Variants in MRM1 observed in about 807,000 individuals in gnomAD.
MRM1 encodes rRNA methyltransferase 1, mitochondrial.
MRM1 carries 24 observed loss-of-function variants against 25.0 expected under a neutral mutation model. That is an observed-to-expected ratio of 0.96 (90% confidence interval 0.69 to 1.35). MRM1 has a LOEUF of 1.35. MRM1 is among the 40% of genes most tolerant of loss of function. The pLI is 0.00. For synonymous variants in MRM1, 188 were observed against 199.2 expected (o/e 0.94, Z 0.47); for missense variants, 431 against 464.1 (o/e 0.93, Z 0.65).
the MRM1 span, among the ~76,000 whole-genome samples, chr17:36,623,688 C>T: frequency 2.0e-5 from 3 of 152,190 alleles, no homozygotes; most frequent in African/African-American, 7.2e-5. Context: ...GAACACCTTG[C>T]GCTGCCCCTG....
chr17:36,629,502 T>C, the MRM1 span, among the ~76,000 whole-genome samples: 1 of 152,106 alleles, frequency 6.6e-6, no homozygotes, highest in East Asian at 1.9e-4. Context: ...GGCTGCCTAG[T>C]GGCCAGAGGG....
the MRM1 span, among the ~76,000 whole-genome samples, chr17:36,617,643 G>T: frequency 6.6e-6 from 1 of 152,016 alleles, no homozygotes; most frequent in Non-Finnish European, 1.5e-5. Context: ...TGATCCACCC[G>T]CTTTGGCTTC....
downstream of MRM1, among the ~76,000 whole-genome samples, chr17:36,611,625 A>C (rs987787019): frequency 8.5e-5 from 13 of 152,278 alleles, no homozygotes; most frequent in Non-Finnish European, 1.5e-4. Context: ...TGGTAGACTG[A>C]GTCAAGCAGA....
Position 36,601,835 on chromosome 17 carries a change from G to T in MRM1, c.25G>T (p.Gly9Cys). Residue 9 changes from glycine (G) to cysteine (C), a missense_variant, in exon 1 of 5, where the codon GGC becomes TGC. Coordinates refer to ENST00000614766, the MANE Select transcript of MRM1 (RefSeq NM_024864.5). ...CATGGCATTGCTCTCGACCGTCCGGGGCGCGACCTGGGGTCGCCTCGTCAC... is the reference window on the plus strand; with the variant it reads ...CATGGCATTGCTCTCGACCGTCCGGTGCGCGACCTGGGGTCGCCTCGTCAC... MALLSTVR[G>C]ATWGRLVTRH... The T allele has an allele frequency of 6.3e-7, 1 of 1,580,324 alleles. No individual in the cohort carries two copies.
the MRM1 span, among the ~76,000 whole-genome samples, chr17:36,625,521 A>T: frequency 1.7e-5 from 2 of 120,364 alleles, no homozygotes; most frequent in African/African-American, 3.2e-5. Context: ...GAGTGCAGTG[A>T]CAAGATCTCG....
chr17:36,624,254 C>T, the MRM1 span, among the ~76,000 whole-genome samples: 36 of 152,138 alleles, frequency 2.4e-4, no homozygotes, highest in African/African-American at 5.6e-4. The surrounding 1 kb of genome is among the most constrained non-coding windows in gnomAD (Gnocchi z 4.0). Flanking sequence ...GACCAGCTGA[C>T]GGGGGAGAGG....
At chr17:36,603,313 T>A in intron 2 of MRM1, 1 of 633,968 alleles carries the variant, frequency 1.6e-6, no homozygotes, top group Non-Finnish European at 2.0e-6. Context: ...AGTAGCCACA[T>A]TGAAAAGTAA....
At chr17:36,611,392 TC>T (rs2074976106), downstream of MRM1, among the ~76,000 whole-genome samples, 1 of 152,268 alleles carries the variant, frequency 6.6e-6, no homozygotes, top group Admixed American at 6.5e-5. Context: ...TCTACCCCCT[TC>T]CTTTTCAACA....
chr17:36,603,348 TGTC>T, intron 2 of MRM1: 1 of 275,702 alleles, frequency 3.6e-6, no homozygotes, highest in Non-Finnish European at 5.5e-6. Context: ...AAATAAATTG[TGTC>T]CAGTATATCC....
intron 2 of MRM1, among the ~76,000 whole-genome samples, chr17:36,604,403 C>T (rs974213472): frequency 9.9e-5 from 15 of 152,224 alleles, no homozygotes; most frequent in African/African-American, 3.6e-4. Flanking sequence ...TTCTGCTTCA[C>T]CATGTCCTCT....
In MRM1 at chr17:36,602,741, A is replaced by G; in HGVS notation, c.636+95A>G. 6.9e-7 allele frequency: 1 copy of G among 1,447,760 alleles called. No individual in the cohort carries two copies. Among genetic ancestry groups the G allele is most frequent in the Non-Finnish European group, 9.6e-7 (1 of 1,039,048 alleles). 89.7% of individuals were successfully genotyped at this position (1,447,760 alleles called of 1,614,324 possible). A position where few individuals can be genotyped will look rare whatever the true frequency, so the allele number is the denominator to read the frequency against. ...CCCCTGGCGAGGGAGAGAAAGGGGC[A>G]TGTTGGCACCGCTTCCTTTGGCCTT... is the stretch of plus-strand genomic sequence containing the variant. On this transcript the variant is annotated intron_variant, in intron 2 of 4. Transcript: ENST00000614766. The surrounding 1 kb of genome is among the most constrained non-coding windows in gnomAD (Gnocchi z 4.1).
downstream of MRM1, among the ~76,000 whole-genome samples, chr17:36,611,145 T>C (rs551419577): frequency 5.9e-5 from 9 of 152,342 alleles, no homozygotes; most frequent in East Asian, 1.7e-3. Flanking sequence ...GTTGATCTCA[T>C]TGTGTGACCA....
Position 36,608,472 on chromosome 17 carries a change from G to A in MRM1, c.*57G>A, listed in dbSNP as rs527443347. ...GTCAGGGACGGCCGCACCTGCCTCC[G>A]CCGGCTCCAGTGTGCGGGGAGCCTC... is the stretch of plus-strand genomic sequence containing the variant. On this transcript the variant is annotated 3_prime_UTR_variant, in exon 5 of 5. Coordinates refer to ENST00000614766, the MANE Select transcript of MRM1 (RefSeq NM_024864.5). 110 of 1,248,122 alleles carry A rather than the reference G, an allele frequency of 8.8e-5. No homozygotes were observed. The African/African-American group carries it at 1.5e-3, about 17-fold the overall frequency. The allele number at this position is 1,248,122 out of a possible 1,614,324, so 77.3% of individuals were successfully genotyped here.
Position 36,601,985 on chromosome 17 carries a change from C to G in MRM1, c.175C>G (p.Leu59Val). 1 of 1,611,864 alleles carries G rather than the reference C, an allele frequency of 6.2e-7. No individual in the cohort carries two copies. Among genetic ancestry groups the G allele is most frequent in the Non-Finnish European group, 8.5e-7 (1 of 1,179,530 alleles). ...GCTTCTGTTTGGCATGACCCCGTGT[C>G]TCCTGGCTCTGCAGGCCGCCCGCCG... ...LELLFGMTPC[L>V]LALQAARRSV... is the part of the protein sequence containing the mutation. The change falls in exon 1 of 5, where the codon CTC becomes GTC. Residue 59 changes from leucine to valine, a missense_variant. Physicochemically the swap from Leu to Val is conservative, Grantham distance 32. Coordinates refer to ENST00000614766, the MANE Select transcript of MRM1 (RefSeq NM_024864.5).
chr17:36,625,471 T>TG, the MRM1 span, among the ~76,000 whole-genome samples: 1 of 143,184 alleles, frequency 7.0e-6, no homozygotes, highest in Non-Finnish European at 1.5e-5. Flanking sequence ...CCTTTTTTTT[T>TG]TTTTTTTTTT....
chr17:36,601,748 G>C lies in MRM1; in HGVS notation c.-63G>C. ...TGTTGGGAGCCTGGGAGCGAACTGCGGCGCGGGTTACCGCTCCCGGGGACG... is the reference window on the plus strand; with the variant it reads ...TGTTGGGAGCCTGGGAGCGAACTGCCGCGCGGGTTACCGCTCCCGGGGACG... On this transcript the variant is annotated 5_prime_UTR_variant, in exon 1 of 5. Transcript: ENST00000614766. 2 of 1,483,628 alleles carry C rather than the reference G, an allele frequency of 1.3e-6. No homozygotes were observed. The allele number at this position is 1,483,628 out of a possible 1,614,324, so 91.9% of individuals were successfully genotyped here.
At chr17:36,603,921 C>A (rs1360474504) in intron 2 of MRM1, among the ~76,000 whole-genome samples, 1 of 152,220 alleles carries the variant, frequency 6.6e-6, no homozygotes, top group Non-Finnish European at 1.5e-5. Context: ...CCACTCATCA[C>A]TTCCAGCCCC....
chr17:36,633,313 G>C, the MRM1 span, among the ~76,000 whole-genome samples: 1 of 152,230 alleles, frequency 6.6e-6, no homozygotes, highest in Non-Finnish European at 1.5e-5. Context: ...GAGGTCCCCA[G>C]ACTGTCTTCA....
At chr17:36,632,261 G>A in the MRM1 span, among the ~76,000 whole-genome samples, 3 of 152,194 alleles carry the variant, frequency 2.0e-5, no homozygotes, top group Admixed American at 2.0e-4. Context: ...CTGACTGAGG[G>A]GTGGAGCCAG....
Sources: gnomAD v4.1 joint callset for allele counts (sites outside exome capture counted in the v4.1 genomes callset) on GRCh38, gnomAD v4.1.1 for gene constraint, Gnocchi (gnomAD v3.1) non-coding constraint, MANE v1.5 for transcripts, NCBI Gene and HGNC (gene_info 2026-07-23, HGNC 2026-07-21) for gene names.